RAD51: variants seen among roughly 807,000 people sequenced by gnomAD.
The protein encoded by RAD51 is DNA repair protein RAD51 homolog 1.
RAD51 carries 14 observed loss-of-function variants against 41.5 expected under a neutral mutation model. The observed-to-expected ratio is 0.34, with a 90% CI of 0.22 to 0.53. The LOEUF (loss-of-function observed/expected upper bound fraction) is 0.53, where lower values mean the gene tolerates loss of function less well. RAD51 is among the 20% of genes least tolerant of loss of function. RAD51 has a pLI of 0.95. For synonymous variants in RAD51, 136 were observed against 148.6 expected (o/e 0.92, Z 0.62); for missense variants, 234 against 422.0 (o/e 0.55, Z 3.90).
rs1896829400 is a variant in RAD51, at chr15:40,730,582, C to T, written c.897-473C>T. 2.8e-5 allele frequency among the ~76,000 whole-genome samples: 4 copies of T among 142,274 alleles called. No individual in the cohort carries two copies. In the South Asian group the frequency reaches 9.2e-4, roughly 33 times the overall value. 93.3% of individuals were successfully genotyped at this position (142,274 alleles called of 152,430 possible). ...TGTCACCCAGGCTGGAGTGCAGTGG[C>T]ACGATCTCGGCTCACTGCAAGCTCC... On this transcript the variant is annotated intron_variant, in intron 9 of 9. Coordinates refer to ENST00000267868, the MANE Select transcript of RAD51 (RefSeq NM_002875.5).
chr15:40,718,134 G>A (rs544282664), intron 5 of RAD51, among the ~76,000 whole-genome samples: 11 of 152,038 alleles, frequency 7.2e-5, no homozygotes, highest in Non-Finnish European at 1.3e-4. Flanking sequence ...GAGATGGGAG[G>A]ATCTCCAGAG....
At chr15:40,699,486 G>A (rs1894851657) in intron 2 of RAD51, among the ~76,000 whole-genome samples, 1 of 152,152 alleles carries the variant, frequency 6.6e-6, no homozygotes, top group Admixed American at 6.5e-5. Context: ...GGTCTTAACT[G>A]TGTTGACCAT....
At chr15:40,728,167 A>G (rs912754378) in intron 6 of RAD51, among the ~76,000 whole-genome samples, 1 of 152,060 alleles carries the variant, frequency 6.6e-6, no homozygotes, top group African/African-American at 2.4e-5. Context: ...GCCCTCAAAG[A>G]ATAGGTTTGA....
At chr15:40,705,698 G>A (rs751902786) in intron 3 of RAD51, among the ~76,000 whole-genome samples, 1 of 152,018 alleles carries the variant, frequency 6.6e-6, no homozygotes, top group African/African-American at 2.4e-5. Flanking sequence ...TCCGCCTCCC[G>A]GGTTCACGCC....
intron 1 of RAD51, among the ~76,000 whole-genome samples, chr15:40,696,658 C>G (rs1427137690): frequency 6.6e-6 from 1 of 152,314 alleles, no homozygotes; most frequent in South Asian, 2.1e-4. Context: ...ACAGTGGTAA[C>G]TGCTATACTG....
intron 3 of RAD51, among the ~76,000 whole-genome samples, chr15:40,701,620 G>A (rs1298990525): frequency 6.6e-6 from 1 of 151,670 alleles, no homozygotes; most frequent in African/African-American, 2.4e-5. Context: ...GTGAGCTACT[G>A]TGCCTGGCCT....
chr15:40,702,172 GAA>G, intron 3 of RAD51, among the ~76,000 whole-genome samples: 1 of 152,334 alleles, frequency 6.6e-6, no homozygotes, highest in African/African-American at 2.4e-5. Context: ...AATATTTGCT[GAA>G]GTGGTTGCTT....
intron 9 of RAD51, among the ~76,000 whole-genome samples, chr15:40,730,671 G>A (rs1421078576): frequency 4.0e-5 from 6 of 150,408 alleles, no homozygotes; most frequent in East Asian, 2.0e-4. Context: ...ACAGGCACCC[G>A]CCACCACACC....
At chr15:40,724,194 CTT>C (rs1896422982) in intron 6 of RAD51, among the ~76,000 whole-genome samples, 1 of 152,160 alleles carries the variant, frequency 6.6e-6, no homozygotes, top group Non-Finnish European at 1.5e-5. Context: ...AGGAATTACT[CTT>C]TTGCAGTCTG....
intron 4 of RAD51, among the ~76,000 whole-genome samples, chr15:40,706,976 C>G (rs769485650): frequency 1.3e-5 from 2 of 151,906 alleles, no homozygotes; most frequent in Non-Finnish European, 2.9e-5. Flanking sequence ...TCAGGGAAAA[C>G]TATAAAGCTT....
chr15:40,713,994 C>CTTTTTT (rs749995356), intron 5 of RAD51, among the ~76,000 whole-genome samples: 5,585 of 114,522 alleles, frequency 0.049, 302 homozygotes, highest in African/African-American at 0.1. Context: ...GAAATAAATT[C>CTTTTTT]TTTTTTTTTT....
At position 40,710,229 on chromosome 15, in the gene RAD51, G is replaced by A. The variant is rs1382141788; in HGVS notation, c.435+1113G>A. On this transcript the variant is annotated intron_variant, in intron 5 of 9. Transcript: ENST00000267868. ...TGCACTCCAGCCTGGGCGACAGAGC[G>A]AGACTCTGTCTCAAAAAAAAAAAAA... 4.0e-4 allele frequency among the ~76,000 whole-genome samples: 47 copies of A among 118,026 alleles called. 2 individuals carry two copies. The highest frequency in any genetic ancestry group is 2.4e-4 in the East Asian group (1 of 4,136). The allele number at this position is 118,026 out of a possible 152,430, so 77.4% of individuals were successfully genotyped here. A position where few individuals can be genotyped will look rare whatever the true frequency, so the allele number is the denominator to read the frequency against.
intron 4 of RAD51, among the ~76,000 whole-genome samples, chr15:40,708,728 A>G (rs1035891034): frequency 2.0e-5 from 3 of 151,100 alleles, no homozygotes; most frequent in Non-Finnish European, 4.4e-5. Context: ...TACTACAGGC[A>G]TCCGCCACCA....
At chr15:40,699,964 G>T (rs1178031157) in intron 2 of RAD51, among the ~76,000 whole-genome samples, 2 of 151,868 alleles carry the variant, frequency 1.3e-5, no homozygotes, top group Non-Finnish European at 2.9e-5. Flanking sequence ...GAAGTTAGGA[G>T]TGCAAAAGGC....
intron 6 of RAD51, among the ~76,000 whole-genome samples, chr15:40,724,458 G>A (rs779371423): frequency 2.0e-5 from 3 of 152,060 alleles, no homozygotes; most frequent in Non-Finnish European, 4.4e-5. Context: ...AAGCAGTAGA[G>A]CAATGCATTC....
At position 40,731,535 on chromosome 15, in the gene RAD51, C is replaced by T. The variant is rs531443679; in HGVS notation, c.*357C>T. 1.7e-5 allele frequency: 6 copies of T among 344,756 alleles called. No homozygotes were observed. The highest frequency in any genetic ancestry group is 1.2e-4 in the African/African-American group (6 of 49,008). The allele number at this position is 344,756 out of a possible 1,614,324, so 21.4% of individuals were successfully genotyped here. ...GAGAACTAAAGCTGGAGAGACCTGACCCTTCTCTCACTTCTAAATTAATGG... is the reference window on the plus strand; with the variant it reads ...GAGAACTAAAGCTGGAGAGACCTGATCCTTCTCTCACTTCTAAATTAATGG... On this transcript the variant is annotated 3_prime_UTR_variant, in exon 10 of 10. Transcript: ENST00000267868.
At chr15:40,730,118 T>C in intron 9 of RAD51, 144 bp downstream of exon 9, 2 of 1,203,852 alleles carry the variant, frequency 1.7e-6, no homozygotes, top group East Asian at 5.1e-5. Context: ...ATTAACATGC[T>C]CTCGTTGGTA....
chr15:40,715,363 A>C (rs201318465), intron 5 of RAD51, among the ~76,000 whole-genome samples: 1 of 40,390 alleles, frequency 2.5e-5, no homozygotes, highest in Non-Finnish European at 5.9e-5. Context: ...TCAAAAAAAA[A>C]CCAAAAACCA....
chr15:40,709,969 G>A (rs570021033), intron 5 of RAD51, among the ~76,000 whole-genome samples: 3 of 151,618 alleles, frequency 2.0e-5, no homozygotes, highest in African/African-American at 4.8e-5. Context: ...TTGGCTGGGC[G>A]CGGTGACTCA....
Sources: gnomAD v4.1 joint callset for allele counts (sites outside exome capture counted in the v4.1 genomes callset) on GRCh38, gnomAD v4.1.1 for gene constraint, MANE v1.5 for transcripts, NCBI Gene and HGNC (gene_info 2026-07-23, HGNC 2026-07-21) for gene names.